NAALADL2: variants seen among roughly 807,000 people sequenced by gnomAD.
NAALADL2 encodes the protein N-acetylated alpha-linked acidic dipeptidase like 2, also known as inactive N-acetylated-alpha-linked acidic dipeptidase-like protein 2.
NAALADL2 carries 76 observed loss-of-function variants against 87.2 expected under a neutral mutation model. The observed-to-expected ratio is 0.87, with a 90% CI of 0.72 to 1.05. NAALADL2 has a LOEUF of 1.05. Among genes scored for constraint, NAALADL2 ranks in the 50% least tolerant of loss-of-function variants. The pLI, the probability that NAALADL2 is intolerant of heterozygous loss-of-function variation, is 0.00. For synonymous variants in NAALADL2, 354 were observed against 331.0 expected (o/e 1.07, Z -0.75); for missense variants, 1,089 against 945.8 (o/e 1.15, Z -1.99).
At chr3:174,703,811 G>C (rs1729804583) in intron 2 of NAALADL2, among the ~76,000 whole-genome samples, 1 of 152,172 alleles carries the variant, frequency 6.6e-6, no homozygotes, top group East Asian at 1.9e-4. Context: ...ACTCTACTCT[G>C]CTCTTAGAAT....
At position 174,853,360 on chromosome 3, in the gene NAALADL2, G is replaced by A. The variant is rs189278079; in HGVS notation, c.-9+115614G>A. ...GCCACTGCACTCCAGCCTGGCAACA[G>A]AGCGAGACTCAATCTCAAAAAAAAA... is the stretch of plus-strand genomic sequence containing the variant. On this transcript the variant is annotated intron_variant, in intron 3 of 3. Transcript: ENST00000434257. Among the ~76,000 whole-genome samples, 928 of 133,680 alleles carry A rather than the reference G, an allele frequency of 6.9e-3. 9 individuals carry two copies. The highest frequency in any genetic ancestry group is 0.025 in the African/African-American group (874 of 35,158). 87.7% of individuals were successfully genotyped at this position (133,680 alleles called of 152,430 possible). A position where few individuals can be genotyped will look rare whatever the true frequency, so the allele number is the denominator to read the frequency against.
chr3:175,421,167 A>G (rs1715629960), intron 5 of NAALADL2, among the ~76,000 whole-genome samples: 1 of 151,958 alleles, frequency 6.6e-6, no homozygotes, highest in Non-Finnish European at 1.5e-5. Flanking sequence ...GAGACCATAT[A>G]CAGTTCAGAC....
At chr3:175,614,994 G>A (rs1725140945) in intron 10 of NAALADL2, among the ~76,000 whole-genome samples, 1 of 152,020 alleles carries the variant, frequency 6.6e-6, no homozygotes, top group South Asian at 2.1e-4. Context: ...GACAAAACAA[G>A]TAAACAACAA....
At chr3:175,191,744 G>C (rs760378949) in intron 2 of NAALADL2, among the ~76,000 whole-genome samples, 1 of 152,144 alleles carries the variant, frequency 6.6e-6, no homozygotes, top group Non-Finnish European at 1.5e-5. Context: ...TAATGTGTAA[G>C]GCTAAACGTT....
upstream of NAALADL2, among the ~76,000 whole-genome samples, chr3:174,855,775 TACACAC>T (rs10576439): frequency 0.16 from 21,353 of 135,476 alleles, 1,717 homozygotes; most frequent in Middle Eastern, 0.2. Context: ...AGGAGAGAAA[TACACAC>T]ACACACACAC....
At chr3:175,581,482 GATTTTC>G (rs1407079081) in intron 10 of NAALADL2, among the ~76,000 whole-genome samples, 1 of 151,964 alleles carries the variant, frequency 6.6e-6, no homozygotes, top group Non-Finnish European at 1.5e-5. Flanking sequence ...AAGACAATTG[GATTTTC>G]ATACCTGTTC....
chr3:175,198,630 G>T (rs377289676), intron 2 of NAALADL2, among the ~76,000 whole-genome samples: 4 of 152,202 alleles, frequency 2.6e-5, no homozygotes, highest in African/African-American at 9.6e-5. Flanking sequence ...AAGGAGGGTT[G>T]CAGTGATAAA....
At chr3:174,762,703 G>T (rs1439854092) in intron 3 of NAALADL2, among the ~76,000 whole-genome samples, 1 of 151,978 alleles carries the variant, frequency 6.6e-6, no homozygotes, top group African/African-American at 2.4e-5. Flanking sequence ...TCATCCTGAG[G>T]CAATTCTGCA....
intron 11 of NAALADL2, among the ~76,000 whole-genome samples, chr3:175,634,234 G>T (rs776425760): frequency 6.6e-6 from 1 of 151,684 alleles, no homozygotes; most frequent in Non-Finnish European, 1.5e-5. Context: ...CCTTAGAGTC[G>T]ATTAACCTTG....
At chr3:174,928,762 A>C in intron 1 of NAALADL2, among the ~76,000 whole-genome samples, 1 of 152,320 alleles carries the variant, frequency 6.6e-6, no homozygotes, top group Admixed American at 6.5e-5. Flanking sequence ...TTATAACAAA[A>C]AGGAGGAATA....
chr3:175,727,171 G>A (rs1348991310), intron 11 of NAALADL2, among the ~76,000 whole-genome samples: 2 of 152,048 alleles, frequency 1.3e-5, no homozygotes, highest in African/African-American at 4.8e-5. Flanking sequence ...CTCGGTGCAG[G>A]GAAGGCATGC....
chr3:174,774,111 T>C (rs1403351774), intron 3 of NAALADL2, among the ~76,000 whole-genome samples: 1 of 152,136 alleles, frequency 6.6e-6, no homozygotes, highest in Non-Finnish European at 1.5e-5. Flanking sequence ...TCCAGTACTA[T>C]TCCTCTAACC....
chr3:174,469,996 A>G (rs2108308623), intron 1 of NAALADL2, among the ~76,000 whole-genome samples: 1 of 152,104 alleles, frequency 6.6e-6, no homozygotes, highest in South Asian at 2.1e-4. Flanking sequence ...GTATTCTTGT[A>G]TTTCTCATTT....
chr3:174,763,536 G>C (rs967350150), intron 3 of NAALADL2, among the ~76,000 whole-genome samples: 4 of 128,288 alleles, frequency 3.1e-5, no homozygotes, highest in Admixed American at 2.8e-4. Context: ...GCAGTGAACC[G>C]AGATTGCGCC....
chr3:174,883,607 A>C (rs760593990), intron 1 of NAALADL2, among the ~76,000 whole-genome samples: 24 of 152,184 alleles, frequency 1.6e-4, no homozygotes, highest in Admixed American at 4.6e-4. Context: ...ATGCACAAAC[A>C]TGTTTTTTAA....
chr3:174,589,693 A>C (rs1717144714), intron 2 of NAALADL2, among the ~76,000 whole-genome samples: 2 of 152,170 alleles, frequency 1.3e-5, no homozygotes, highest in Non-Finnish European at 2.9e-5. Flanking sequence ...AGGTAGGGAG[A>C]GCCAATAAAC....
intron 7 of NAALADL2, 28 bp downstream of exon 7, chr3:175,463,521 A>G: frequency 8.3e-7 from 1 of 1,209,042 alleles, no homozygotes; most frequent in Non-Finnish European, 1.2e-6. Flanking sequence ...TTTATAATCT[A>G]CACTTTATAT....
At chr3:175,123,345 G>A (rs1049539004) in intron 2 of NAALADL2, among the ~76,000 whole-genome samples, 6 of 151,874 alleles carry the variant, frequency 4.0e-5, no homozygotes, top group African/African-American at 1.4e-4. Flanking sequence ...CTAATAGATG[G>A]TAGGGCAATG....
chr3:175,317,207 G>T (rs1759263091), intron 4 of NAALADL2, among the ~76,000 whole-genome samples: 1 of 152,034 alleles, frequency 6.6e-6, no homozygotes, highest in Non-Finnish European at 1.5e-5. Flanking sequence ...GACACAACTG[G>T]CAATTCTAGC....
Sources: allele counts gnomAD v4.1 joint callset (sites outside exome capture counted in the v4.1 genomes callset), GRCh38; gene constraint gnomAD v4.1.1; transcripts MANE v1.5; gene names NCBI Gene and HGNC (gene_info 2026-07-23, HGNC 2026-07-21).